The following TMTC4 variants were observed in gnomAD, a reference collection of about 807,000 sequenced individuals.
TMTC4 encodes protein O-mannosyl-transferase TMTC4.
Under a neutral mutation model 86.0 loss-of-function variants are expected in TMTC4, and 65 were observed. That is an observed-to-expected ratio of 0.76 (90% confidence interval 0.62 to 0.93). The LOEUF (loss-of-function observed/expected upper bound fraction) is 0.93, where lower values mean the gene tolerates loss of function less well. Among genes scored for constraint, TMTC4 ranks in the 40% least tolerant of loss-of-function variants. TMTC4 has a pLI of 0.00. For synonymous variants in TMTC4, 379 were observed against 382.5 expected (o/e 0.99, Z 0.11); for missense variants, 866 against 948.1 (o/e 0.91, Z 1.14).
chr13:100,606,682 G>T (rs8002073), intron 17 of TMTC4, among the ~76,000 whole-genome samples: 24,673 of 152,186 alleles, frequency 0.16, 2,213 homozygotes, highest in Middle Eastern at 0.23. Flanking sequence ...TCCCTGCAGT[G>T]GTTGGACTTC....
At chr13:100,674,904 C>T, upstream of TMTC4, 1 of 984,864 alleles carries the variant, frequency 1.0e-6, no homozygotes, top group Non-Finnish European at 1.2e-6. Context: ...GCGGGCGCCC[C>T]CCAGCACCAG....
intron 15 of TMTC4, among the ~76,000 whole-genome samples, chr13:100,620,795 T>C: frequency 6.6e-6 from 1 of 152,116 alleles, no homozygotes; most frequent in East Asian, 1.9e-4. Context: ...TCAAAACAAA[T>C]CGCTGTCTCC....
intron 16 of TMTC4, 98 bp from the exon 17 acceptor site, chr13:100,612,608 A>AAC: frequency 2.5e-6 from 2 of 790,450 alleles, no homozygotes; most frequent in Non-Finnish European, 4.2e-6. Context: ...ACAGCACATG[A>AAC]CAATTATGAA....
intron 6 of TMTC4, among the ~76,000 whole-genome samples, chr13:100,651,903 C>T (rs1884495403): frequency 1.3e-5 from 2 of 152,042 alleles, no homozygotes; most frequent in African/African-American, 2.4e-5. Context: ...ACTTGTCTAC[C>T]ACCGAAGAGT....
chr13:100,622,124 A>G (rs1425274941), intron 15 of TMTC4, among the ~76,000 whole-genome samples: 1 of 152,212 alleles, frequency 6.6e-6, no homozygotes, highest in South Asian at 2.1e-4. Context: ...TTAAAATGTA[A>G]AAGAACAAAA....
intron 16 of TMTC4, among the ~76,000 whole-genome samples, chr13:100,614,061 A>G (rs529331127): frequency 5.7e-4 from 86 of 150,546 alleles, no homozygotes; most frequent in African/African-American, 2.0e-3. Context: ...CTGGTCTCGA[A>G]CTCCTGACCT....
chr13:100,616,066 T>C (rs926854851), intron 15 of TMTC4, among the ~76,000 whole-genome samples: 3 of 152,104 alleles, frequency 2.0e-5, no homozygotes, highest in African/African-American at 7.2e-5. Flanking sequence ...GACATGATTT[T>C]TTTTTTTTCG....
In TMTC4 at chr13:100,649,190, G is replaced by T. The variant is rs74115008; in HGVS notation, c.641-6879C>A. 8.9e-3 allele frequency among the ~76,000 whole-genome samples: 1,348 copies of T among 152,294 alleles called. 18 individuals carry two copies. The highest frequency in any genetic ancestry group is 0.03 in the African/African-American group (1,250 of 41,564). The stretch of plus-strand genomic sequence containing the variant: ...ATACAGCGTTGACAAAATGCTTCCA[G>T]TTCTGGAGGTGAACAAAAAAGGCCT... On this transcript the variant is annotated intron_variant, in intron 6 of 18. Coordinates refer to ENST00000342624, the MANE Select transcript of TMTC4 (RefSeq NM_032813.5).
intron 12 of TMTC4, among the ~76,000 whole-genome samples, chr13:100,632,015 C>CCACACACACACACACACACACACA (rs60522457): frequency 3.0e-5 from 3 of 99,358 alleles, no homozygotes; most frequent in African/African-American, 1.3e-4. Flanking sequence ...TAAGAGGAAA[C>CCACACACACACACACACACACACA]CACACACACA....
At chr13:100,656,214 C>A (rs1885088569) in intron 6 of TMTC4, among the ~76,000 whole-genome samples, 167 bp downstream of exon 6, 1 of 152,170 alleles carries the variant, frequency 6.6e-6, no homozygotes, top group South Asian at 2.1e-4. Context: ...AAAGCAATGG[C>A]ACAAATAGAC....
intron 15 of TMTC4, 109 bp from the exon 16 acceptor site, chr13:100,614,539 TA>T: frequency 2.4e-6 from 2 of 836,070 alleles, no homozygotes; most frequent in Non-Finnish European, 3.6e-6. Flanking sequence ...CAAACAACAA[TA>T]AAAAACCAAA....
chr13:100,604,850 CT>C lies in TMTC4; in HGVS notation c.*143del. On this transcript the variant is annotated 3_prime_UTR_variant, in exon 19 of 19. Coordinates refer to ENST00000342624, the MANE Select transcript of TMTC4 (RefSeq NM_032813.5). The stretch of plus-strand genomic sequence containing the variant: ...AAGAGTATATTGCTGGTGCTATAAT[CT>C]TTTTGCATGTCTTTGTTTTCATAGA... 1 of 902,950 alleles carries C rather than the reference CT, an allele frequency of 1.1e-6. No individual in the cohort carries two copies. The highest frequency in any genetic ancestry group is 1.6e-6 in the Non-Finnish European group (1 of 643,508). The allele number at this position is 902,950 out of a possible 1,614,324, so 55.9% of individuals were successfully genotyped here.
intron 1 of TMTC4, chr13:100,674,428 C>G: frequency 1.1e-6 from 1 of 906,046 alleles, no homozygotes; most frequent in South Asian, 5.0e-5. Context: ...CGCGGCTGTG[C>G]AGGCAGGGGC....
rs186901563 is a variant in TMTC4 at position 100,617,411 on chromosome 13, C to T, written c.1837-2981G>A. Among the ~76,000 whole-genome samples the T allele has an allele frequency of 1.2e-4, 19 of 152,338 alleles. 1 individual carries two copies. Among genetic ancestry groups the T allele is most frequent in the African/African-American group, 4.6e-4 (19 of 41,574 alleles). ...CTTGGCTCCCAAAGTGCTGGGAATA[C>T]AGGTGTGAGCCACTGAGCTCAGCCT... On this transcript the variant is annotated intron_variant, in intron 15 of 18. Coordinates refer to ENST00000342624, the MANE Select transcript of TMTC4 (RefSeq NM_032813.5).
intron 3 of TMTC4, among the ~76,000 whole-genome samples, chr13:100,667,466 A>G (rs1041632851): frequency 1.2e-4 from 18 of 152,140 alleles, no homozygotes; most frequent in African/African-American, 4.3e-4. Flanking sequence ...TAAAACATTA[A>G]AAATGATCTA....
rs1886000062 is a variant in TMTC4 at position 100,663,169 on chromosome 13, T to A, written c.347A>T (p.Tyr116Phe). 1.9e-6 allele frequency: 3 copies of A among 1,613,408 alleles called. No homozygotes were observed. The African/African-American group carries it at 4.0e-5, about 22-fold the overall frequency. ...LTVLTFRINYYLSGGFHPVGF... is the reference protein window; with the variant it reads ...LTVLTFRINYFLSGGFHPVGF... ...CACGGGGTGGAAGCCTCCCGAGAGGTAGTAGTTAATCCTGCAGAAACACAG... is the reference window on the plus strand; with the variant it reads ...CACGGGGTGGAAGCCTCCCGAGAGGAAGTAGTTAATCCTGCAGAAACACAG... Residue 116 changes from tyrosine (Y) to phenylalanine (F), a missense_variant, in exon 5 of 19, where the codon TAC becomes TTC. Transcript: ENST00000342624.
intron 1 of TMTC4, among the ~76,000 whole-genome samples, chr13:100,672,008 T>C (rs1016168487): frequency 1.3e-5 from 2 of 152,206 alleles, no homozygotes; most frequent in South Asian, 2.1e-4. Context: ...TTGAACTGCT[T>C]AGTCTTTCTA....
chr13:100,663,302 A>G, intron 4 of TMTC4, 122 bp from the exon 5 acceptor site: 1 of 844,372 alleles, frequency 1.2e-6, no homozygotes, highest in Non-Finnish European at 1.9e-6. Flanking sequence ...ACTTTGTGCC[A>G]GCTTGATAAA....
rs762699041 is a variant in TMTC4, at chr13:100,625,579, GT to G, written c.1791del (p.Lys597AsnfsTer27). The G allele has an allele frequency of 2.9e-5, 47 of 1,614,192 alleles. No individual in the cohort carries two copies. The highest frequency in any genetic ancestry group is 3.7e-5 in the Non-Finnish European group (44 of 1,180,024). On this transcript the variant is annotated frameshift_variant, in exon 15 of 19. Coordinates refer to ENST00000342624, the MANE Select transcript of TMTC4 (RefSeq NM_032813.5). LOFTEE classifies it high-confidence loss of function. Reference sequence around the variant, plus strand: ...TAACAGTCTGGGTATTTCCTTCTGTGTTTAATTGCTGTCCGGTAACTTTGCT... The same window carrying G: ...TAACAGTCTGGGTATTTCCTTCTGTGTTAATTGCTGTCCGGTAACTTTGCT... ...AAEQSYRTAI[K>X]HRRKYPDCYY...
Sources: gnomAD v4.1 joint callset for allele counts (sites outside exome capture counted in the v4.1 genomes callset) on GRCh38, gnomAD v4.1.1 for gene constraint, MANE v1.5 for transcripts, NCBI Gene and HGNC (gene_info 2026-07-23, HGNC 2026-07-21) for gene names.